The following EEF1D variants were observed in gnomAD, a reference collection of about 807,000 sequenced individuals.
The protein encoded by EEF1D is eukaryotic translation elongation factor 1 delta.
Under a neutral mutation model 63.9 loss-of-function variants are expected in EEF1D, and 47 were observed. That is an observed-to-expected ratio of 0.74 (90% CI 0.58 to 0.94). The LOEUF (loss-of-function observed/expected upper bound fraction) is 0.94. Ranked by LOEUF, EEF1D falls within the 40% of genes least tolerant of loss-of-function variation. The pLI is 0.00. For synonymous variants in EEF1D, 412 were observed against 386.1 expected (o/e 1.07, Z -0.79); for missense variants, 907 against 899.0 (o/e 1.01, Z -0.11).
intron 2 of EEF1D, among the ~76,000 whole-genome samples, chr8:143,591,044 C>T (rs2131194532): frequency 6.6e-6 from 1 of 152,344 alleles, no homozygotes; most frequent in South Asian, 2.1e-4. Flanking sequence ...AAGGAGGGGC[C>T]AAGCGCCTGG....
At position 143,589,656 on chromosome 8, in the gene EEF1D, C is replaced by A; in HGVS notation, c.426G>T (p.Leu142Phe). ...CATGGGTGCAGAGACCCCAAGGGGCCAAGGCAGGAGGCCAGGCTGCCTGGG... is the reference window on the plus strand; with the variant it reads ...CATGGGTGCAGAGACCCCAAGGGGCAAAGGCAGGAGGCCAGGCTGCCTGGG... ...VAAQAAWPPA[L>F]APWGLCTHGN... The change falls in exon 3 of 10, where the codon TTG (leucine) becomes TTT (phenylalanine). Residue 142 changes from leucine (L) to phenylalanine (F), a missense_variant. Transcript: ENST00000618139. The A allele has an allele frequency of 1.9e-6, 3 of 1,541,746 alleles. No individual in the cohort carries two copies. Among genetic ancestry groups the A allele is most frequent in the Non-Finnish European group, 2.6e-6 (3 of 1,143,206 alleles).
At chr8:143,588,889 C>T in intron 3 of EEF1D, 102 bp downstream of exon 3, 1 of 1,446,228 alleles carries the variant, frequency 6.9e-7, no homozygotes, top group Non-Finnish European at 9.1e-7. Flanking sequence ...GGAGCCCCCA[C>T]CCCAGGTGGG....
chr8:143,590,931 G>C (rs1827842211), intron 2 of EEF1D: 1 of 152,332 alleles, frequency 6.6e-6, no homozygotes, highest in East Asian at 1.9e-4. Flanking sequence ...TTCTTTGTGG[G>C]CCTGACTGTC....
intron 3 of EEF1D, among the ~76,000 whole-genome samples, chr8:143,587,780 G>A (rs181729758): frequency 6.6e-6 from 1 of 152,340 alleles, no homozygotes; most frequent in Admixed American, 6.5e-5. Flanking sequence ...CTGGCACAAA[G>A]CCCCACCTCG....
In EEF1D at chr8:143,590,457, T is replaced by A. The variant is rs961563082; in HGVS notation, c.1-376A>T. 3 of 963,498 alleles carry A rather than the reference T, an allele frequency of 3.1e-6. No individual in the cohort carries two copies. In the African/African-American group the frequency reaches 5.0e-5, roughly 16 times the overall value. 59.7% of individuals were successfully genotyped at this position (963,498 alleles called of 1,614,324 possible). A position where few individuals can be genotyped will look rare whatever the true frequency, so the allele number is the denominator to read the frequency against. ...TTTTCGTCATTTATCTGAAATAAGCTTTAACTGGCTAACTAGCTTTCCCTG... is the reference window on the plus strand; with the variant it reads ...TTTTCGTCATTTATCTGAAATAAGCATTAACTGGCTAACTAGCTTTCCCTG... On this transcript the variant is annotated intron_variant, in intron 2 of 9. Coordinates refer to ENST00000618139, the MANE Select transcript of EEF1D (RefSeq NM_001130053.5).
At position 143,586,089 on chromosome 8, in the gene EEF1D, A is replaced by G. The variant is rs959469639; in HGVS notation, c.1287+130T>C. The stretch of plus-strand genomic sequence containing the variant: ...TGGAGGTCACAGAGCCACACGTCCC[A>G]AGGAGCACAGCGCCGTGCACCCTGC... On this transcript the variant is annotated intron_variant, in intron 5 of 9. Coordinates refer to ENST00000618139, the MANE Select transcript of EEF1D (RefSeq NM_001130053.5). 4.1e-6 allele frequency: 3 copies of G among 725,462 alleles called. No individual in the cohort carries two copies. In the African/African-American group the frequency reaches 5.4e-5, roughly 13 times the overall value. The allele number at this position is 725,462 out of a possible 1,614,324, so 44.9% of individuals were successfully genotyped here. A position where few individuals can be genotyped will look rare whatever the true frequency, so the allele number is the denominator to read the frequency against.
In EEF1D at chr8:143,579,768, C is replaced by A; in HGVS notation, c.*24G>T. ...TAATCGTGGCAGGGCCTCACGCACG[C>A]GCGCACGTACACACACTCAGGCTTC... On this transcript the variant is annotated 3_prime_UTR_variant, in exon 10 of 10. Coordinates refer to ENST00000618139, the MANE Select transcript of EEF1D (RefSeq NM_001130053.5). 1 of 1,532,628 alleles carries A rather than the reference C, an allele frequency of 6.5e-7. No individual in the cohort carries two copies. The allele number at this position is 1,532,628 out of a possible 1,614,324, so 94.9% of individuals were successfully genotyped here. A position where few individuals can be genotyped will look rare whatever the true frequency, so the allele number is the denominator to read the frequency against.
chr8:143,589,201 G>C lies in EEF1D; in HGVS notation c.881C>G (p.Ala294Gly). ...LGNKRAGLRR[A>G]DGEAPSALPY... is the part of the protein sequence containing the mutation. ...CAAGGCAGAGGGGGCCTCCCCATCGGCCCGTCGCAGCCCGGCCCGCTTGTT... is the reference window on the plus strand; with the variant it reads ...CAAGGCAGAGGGGGCCTCCCCATCGCCCCGTCGCAGCCCGGCCCGCTTGTT... Residue 294 changes from alanine (A) to glycine (G), a missense_variant, in exon 3 of 10, where the codon GCC becomes GGC. Ala to Gly is a moderately conservative substitution (Grantham distance 60). Transcript: ENST00000618139. 1 of 1,586,986 alleles carries C rather than the reference G, an allele frequency of 6.3e-7. No homozygotes were observed. The highest frequency in any genetic ancestry group is 2.3e-5 in the East Asian group (1 of 44,130).
intron 5 of EEF1D, 155 bp from the exon 6 acceptor site, chr8:143,581,483 G>C: frequency 1.5e-6 from 1 of 655,466 alleles, no homozygotes; most frequent in South Asian, 1.9e-5. Flanking sequence ...TATGACCTCA[G>C]AGGTGGCGGC....
chr8:143,588,702 C>G (rs964774556), intron 3 of EEF1D: 38 of 465,456 alleles, frequency 8.2e-5, no homozygotes, highest in Admixed American at 7.5e-4. Context: ...AGCTTCCCAG[C>G]CAAAGAGGGA....
At chr8:143,592,544 G>A (rs1828150147) in intron 2 of EEF1D, 103 bp downstream of exon 2, 1 of 943,108 alleles carries the variant, frequency 1.1e-6, no homozygotes, top group South Asian at 4.9e-5. Flanking sequence ...TGGGCAGACT[G>A]GGCCATGCGC....
At chr8:143,586,688 G>A (rs755706366) in intron 4 of EEF1D, 41 bp downstream of exon 4, 30 of 1,603,208 alleles carry the variant, frequency 1.9e-5, no homozygotes, top group Admixed American at 1.2e-4. Context: ...CACTCCTGTC[G>A]GGCAGCAGAG....
chr8:143,591,085 G>A (rs1417267035), intron 2 of EEF1D, among the ~76,000 whole-genome samples: 1 of 152,242 alleles, frequency 6.6e-6, no homozygotes, highest in African/African-American at 2.4e-5. Flanking sequence ...CTCTCTATCA[G>A]CTGCCCCCGC....
At chr8:143,591,476 G>A (rs1827943632) in intron 2 of EEF1D, among the ~76,000 whole-genome samples, 3 of 152,224 alleles carry the variant, frequency 2.0e-5, no homozygotes, top group African/African-American at 7.2e-5. Context: ...CAGCACCCCA[G>A]CCCGCGCTCA....
At position 143,580,568 on chromosome 8, in the gene EEF1D, C is replaced by T; in HGVS notation, c.1648G>A (p.Glu550Lys). The T allele has an allele frequency of 4.3e-6, 7 of 1,613,360 alleles. No individual in the cohort carries two copies. Among genetic ancestry groups the T allele is most frequent in the Non-Finnish European group, 5.1e-6 (6 of 1,179,864 alleles). ...AGTGCAGGCTTCTTGGCCTTCTTCTCCGCGTACTGCCGTAGCCGCTCCTCC... is the reference window on the plus strand; with the variant it reads ...AGTGCAGGCTTCTTGGCCTTCTTCTTCGCGTACTGCCGTAGCCGCTCCTCC... ...LREERLRQYA[E>K]KKAKKPALVA... The change falls in exon 8 of 10, where the codon GAG becomes AAG. Residue 550 changes from glutamate to lysine, a missense_variant. Transcript: ENST00000618139.
intron 5 of EEF1D, chr8:143,582,734 CA>C (rs35445613): frequency 0.6 from 91,352 of 152,028 alleles, 29,038 homozygotes; most frequent in East Asian, 0.73. Flanking sequence ...GATGCTGACT[CA>C]GGGGGGACTA....
intron 1 of EEF1D, among the ~76,000 whole-genome samples, chr8:143,594,754 C>T (rs564443140): frequency 1.3e-5 from 2 of 152,350 alleles, no homozygotes; most frequent in African/African-American, 4.8e-5. Flanking sequence ...ACTGGCACTG[C>T]CTGATAGAAC....
rs1224263283 is a variant in EEF1D, at chr8:143,593,884, G to A, written c.-14-1224C>T. On this transcript the variant is annotated intron_variant, in intron 1 of 9. Transcript: ENST00000618139. Reference sequence around the variant, plus strand: ...CCAAGCATGGGAGGACCTGCCGGACGCAGCGCACCATCTCTCCTAACAGAG... The same window carrying A: ...CCAAGCATGGGAGGACCTGCCGGACACAGCGCACCATCTCTCCTAACAGAG... 1.0e-5 allele frequency: 10 copies of A among 985,308 alleles called. No homozygotes were observed. In the South Asian group the frequency reaches 2.8e-4, roughly 28 times the overall value. 61.0% of individuals were successfully genotyped at this position (985,308 alleles called of 1,614,324 possible). A position where few individuals can be genotyped will look rare whatever the true frequency, so the allele number is the denominator to read the frequency against.
At chr8:143,592,132 G>A (rs1211233251) in intron 2 of EEF1D, 3 of 985,314 alleles carry the variant, frequency 3.0e-6, no homozygotes, top group Non-Finnish European at 3.6e-6. Context: ...TGGGTTGGGG[G>A]TGGGGTGGGA....
Sources: gnomAD v4.1 joint callset for allele counts (sites outside exome capture counted in the v4.1 genomes callset) on GRCh38, gnomAD v4.1.1 for gene constraint, MANE v1.5 for transcripts, NCBI Gene and HGNC (gene_info 2026-07-23, HGNC 2026-07-21) for gene names.